The following WWOX variants were observed in gnomAD, a reference collection of about 807,000 sequenced individuals.
WWOX encodes WW domain containing oxidoreductase, also known as WW domain-containing oxidoreductase.
Under a neutral mutation model 46.2 loss-of-function variants are expected in WWOX, and 69 were observed. That is an observed-to-expected ratio of 1.49 (90% CI 1.23 to 1.82). WWOX has a LOEUF of 1.82. WWOX is among the 40% of genes most tolerant of loss of function. WWOX has a pLI of 0.00. For missense variants in WWOX, 919 were observed against 542.6 expected, an observed-to-expected ratio of 1.69 and a Z score of -6.89; for synonymous variants, 359 against 202.6, an observed-to-expected ratio of 1.77 and a Z score of -6.56.
chr16:78,634,066 A>G (rs535066436), intron 8 of WWOX, among the ~76,000 whole-genome samples: 5 of 151,894 alleles, frequency 3.3e-5, no homozygotes, highest in Non-Finnish European at 5.9e-5. Context: ...TACAGTGAGC[A>G]CTCTTGAACC....
chr16:78,299,650 C>T (rs569022310), intron 5 of WWOX, among the ~76,000 whole-genome samples: 2 of 152,004 alleles, frequency 1.3e-5, no homozygotes, highest in South Asian at 2.1e-4. Context: ...ACCTCAGCCT[C>T]CCAAGTAGCT....
At chr16:78,158,798 A>G (rs2034688202) in intron 4 of WWOX, among the ~76,000 whole-genome samples, 2 of 152,192 alleles carry the variant, frequency 1.3e-5, no homozygotes, top group Admixed American at 6.5e-5. Flanking sequence ...TTTGGAGATA[A>G]GTATATACCT....
At chr16:78,434,507 T>C (rs748625137) in intron 8 of WWOX, among the ~76,000 whole-genome samples, 3 of 152,146 alleles carry the variant, frequency 2.0e-5, no homozygotes, top group Non-Finnish European at 4.4e-5. Flanking sequence ...AATGAGGCAT[T>C]TAGGAATGGG....
intron 8 of WWOX, among the ~76,000 whole-genome samples, chr16:79,033,280 TTA>T (rs927147435): frequency 6.8e-6 from 1 of 147,650 alleles, no homozygotes; most frequent in Non-Finnish European, 1.5e-5. Flanking sequence ...CACCAAATAT[TTA>T]TATATATATA....
intron 5 of WWOX, among the ~76,000 whole-genome samples, chr16:78,296,060 A>G (rs1292941022): frequency 6.6e-6 from 1 of 152,252 alleles, no homozygotes; most frequent in Non-Finnish European, 1.5e-5. Context: ...AAGTTATTTT[A>G]GTAAAATGCT....
chr16:78,899,815 A>C (rs1405453015), intron 8 of WWOX, among the ~76,000 whole-genome samples: 16 of 152,158 alleles, frequency 1.1e-4, no homozygotes, highest in Admixed American at 1.0e-3. Flanking sequence ...TAGCTTGGAA[A>C]ACTAGCGCGT....
Position 78,099,743 on chromosome 16 carries a change from G to T in WWOX, c.-36G>T. The T allele has an allele frequency of 6.6e-7, 1 of 1,517,492 alleles. No individual in the cohort carries two copies. The highest frequency in any genetic ancestry group is 8.8e-7 in the Non-Finnish European group (1 of 1,133,244). The allele number at this position is 1,517,492 out of a possible 1,614,324, so 94.0% of individuals were successfully genotyped here. On this transcript the variant is annotated 5_prime_UTR_variant, in exon 1 of 9. Coordinates refer to ENST00000566780, the MANE Select transcript of WWOX (RefSeq NM_016373.4). The stretch of plus-strand genomic sequence containing the variant: ...TTCCTGAGCGAGTGGACCCGGCAGC[G>T]GGCGATAGGGGGGCCAGGTGCCTCC...
At chr16:78,490,661 C>T (rs540747397) in intron 8 of WWOX, among the ~76,000 whole-genome samples, 1 of 152,284 alleles carries the variant, frequency 6.6e-6, no homozygotes, top group African/African-American at 2.4e-5. Context: ...ACTTGGAAAG[C>T]ACCCACGTGA....
chr16:78,503,500 T>C (rs2085119450), intron 8 of WWOX, among the ~76,000 whole-genome samples: 1 of 152,136 alleles, frequency 6.6e-6, no homozygotes, highest in East Asian at 1.9e-4. Flanking sequence ...ACTAAATGCA[T>C]CTTTAATTTT....
rs868704946 is a variant in WWOX, at chr16:78,212,588, A to C, written c.516+48299A>C. ...GTTCACCTAGGTCCCCTTCATGACAAGGTGGTGAGAAACATTTTCTTGTTC... is the reference window on the plus strand; with the variant it reads ...GTTCACCTAGGTCCCCTTCATGACACGGTGGTGAGAAACATTTTCTTGTTC... On this transcript the variant is annotated intron_variant, in intron 5 of 8. Coordinates refer to ENST00000566780, the MANE Select transcript of WWOX (RefSeq NM_016373.4). Among the ~76,000 whole-genome samples the C allele has an allele frequency of 3.9e-5, 6 of 152,310 alleles. No individual in the cohort carries two copies. In the South Asian group the frequency reaches 1.2e-3, roughly 32 times the overall value.
chr16:78,762,433 C>G (rs1444532763), intron 8 of WWOX, among the ~76,000 whole-genome samples: 1 of 152,208 alleles, frequency 6.6e-6, no homozygotes, highest in Non-Finnish European at 1.5e-5. Flanking sequence ...TCACCGCCCC[C>G]ACTTCCCACT....
chr16:78,578,285 T>TATATATATATATATATATATATA (rs10638175), intron 8 of WWOX, among the ~76,000 whole-genome samples: 1 of 12,952 alleles, frequency 7.7e-5, no homozygotes, highest in Non-Finnish European at 1.8e-4. Context: ...TATATATATA[T>TATATATATATATATATATATATA]TTTTTTTTTT....
At chr16:78,626,728 G>C (rs2046320137) in intron 8 of WWOX, among the ~76,000 whole-genome samples, 1 of 152,046 alleles carries the variant, frequency 6.6e-6, no homozygotes, top group Admixed American at 6.6e-5. Context: ...ACTCTTCGAG[G>C]GTAGAGTATC....
intron 5 of WWOX, among the ~76,000 whole-genome samples, chr16:78,260,521 A>G (rs1359584891): frequency 6.6e-6 from 1 of 151,434 alleles, no homozygotes; most frequent in Non-Finnish European, 1.5e-5. Flanking sequence ...AAAAGAAATT[A>G]GCTGGGCATG....
At position 78,756,820 on chromosome 16, in the gene WWOX, C is replaced by T. The variant is rs867803381; in HGVS notation, c.1056+324068C>T. The T allele has an allele frequency of 5.5e-5, 34 of 619,958 alleles. 1 individual carries two copies. The highest frequency in any genetic ancestry group is 4.7e-4 in the East Asian group (17 of 36,506). 38.4% of individuals were successfully genotyped at this position (619,958 alleles called of 1,614,324 possible). ...GTCTCAGCATAGTCTTCTCGGACAC[C>T]TAATACTACTGACCTGTATAATCGA... On this transcript the variant is annotated intron_variant, in intron 8 of 8. Coordinates refer to ENST00000566780, the MANE Select transcript of WWOX (RefSeq NM_016373.4).
intron 5 of WWOX, among the ~76,000 whole-genome samples, chr16:78,176,834 G>T (rs1225875867): frequency 6.6e-6 from 1 of 152,170 alleles, no homozygotes; most frequent in Admixed American, 6.6e-5. Flanking sequence ...GGGCAGGAAG[G>T]GTGCTATTTT....
At chr16:78,417,414 T>G (rs1019993369) in intron 6 of WWOX, among the ~76,000 whole-genome samples, 10 of 152,100 alleles carry the variant, frequency 6.6e-5, no homozygotes, top group African/African-American at 9.7e-5. Context: ...TTTCTGAAAC[T>G]TCATTTCTGT....
intron 8 of WWOX, among the ~76,000 whole-genome samples, chr16:78,796,830 T>C (rs945779175): frequency 3.5e-4 from 51 of 147,766 alleles, no homozygotes; most frequent in Non-Finnish European, 5.2e-4. Flanking sequence ...TCTTCTTCTT[T>C]TTTTTTTTTT....
At chr16:79,076,698 G>GC (rs2048663905) in intron 8 of WWOX, among the ~76,000 whole-genome samples, 1 of 152,188 alleles carries the variant, frequency 6.6e-6, no homozygotes, top group African/African-American at 2.4e-5. Flanking sequence ...TTCGTCTTTA[G>GC]CCCCCCACTT....
Sources: gnomAD v4.1 joint callset for allele counts (sites outside exome capture counted in the v4.1 genomes callset) on GRCh38, gnomAD v4.1.1 for gene constraint, MANE v1.5 for transcripts, NCBI Gene and HGNC (gene_info 2026-07-23, HGNC 2026-07-21) for gene names.